The following AFF3 variants were observed in gnomAD, a reference collection of about 807,000 sequenced individuals.
AFF3 encodes ALF transcription elongation factor 3, also known as AF4/FMR2 family member 3.
In AFF3, 32 loss-of-function variants were observed where a neutral mutation model predicts 129.7. The observed-to-expected ratio is 0.25, with a 90% CI of 0.19 to 0.33. The LOEUF (loss-of-function observed/expected upper bound fraction) is 0.33, where lower values mean the gene tolerates loss of function less well. AFF3 is among the 10% of genes least tolerant of loss of function. The pLI, the probability that AFF3 is intolerant of heterozygous loss-of-function variation, is 1.00. For synonymous variants in AFF3, 644 were observed against 635.4 expected (o/e 1.01, Z -0.20); for missense variants, 1,373 against 1,592.0 (o/e 0.86, Z 2.34).
At chr2:100,124,568 G>T (rs949296755) in intron 2 of AFF3, among the ~76,000 whole-genome samples, 3 of 151,668 alleles carry the variant, frequency 2.0e-5, no homozygotes, top group African/African-American at 7.3e-5. Flanking sequence ...GCAAATTGTG[G>T]TTCCAATCCA....
intron 7 of AFF3, among the ~76,000 whole-genome samples, chr2:99,937,291 T>C (rs1013244289): frequency 6.6e-6 from 1 of 152,182 alleles, no homozygotes; most frequent in Non-Finnish European, 1.5e-5. Flanking sequence ...GCCAGTGATG[T>C]CCTGGTCTGA....
chr2:99,806,350 G>A (rs1686345599), intron 8 of AFF3, among the ~76,000 whole-genome samples: 1 of 152,138 alleles, frequency 6.6e-6, no homozygotes, highest in African/African-American at 2.4e-5. Flanking sequence ...GCGGAAAATA[G>A]CCCCTGCTCT....
intron 7 of AFF3, among the ~76,000 whole-genome samples, chr2:99,894,747 T>C (rs1376129759): frequency 6.6e-6 from 1 of 152,110 alleles, no homozygotes; most frequent in Non-Finnish European, 1.5e-5. Context: ...AGTGTTGGGA[T>C]TACAGGCGTG....
At chr2:100,029,723 T>C (rs1048926574) in intron 4 of AFF3, among the ~76,000 whole-genome samples, 2 of 152,150 alleles carry the variant, frequency 1.3e-5, no homozygotes, top group African/African-American at 4.8e-5. Context: ...TGAAGAGAGA[T>C]TGGTTGCACA....
At chr2:100,025,984 C>G (rs1355515141) in intron 4 of AFF3, among the ~76,000 whole-genome samples, 1 of 152,170 alleles carries the variant, frequency 6.6e-6, no homozygotes, top group Non-Finnish European at 1.5e-5. Flanking sequence ...TAGACATTGG[C>G]TTAGGCAAGG....
At chr2:99,797,419 T>C (rs1225296197) in intron 8 of AFF3, among the ~76,000 whole-genome samples, 1 of 151,978 alleles carries the variant, frequency 6.6e-6, no homozygotes, top group Non-Finnish European at 1.5e-5. Flanking sequence ...AAAAAGAGCA[T>C]AAGTAAACTG....
intron 4 of AFF3, among the ~76,000 whole-genome samples, chr2:100,037,288 C>A (rs1415688654): frequency 6.7e-6 from 1 of 150,226 alleles, no homozygotes; most frequent in African/African-American, 2.5e-5. Flanking sequence ...GTTTACAATA[C>A]TAGTGAAAAT....
intron 7 of AFF3, among the ~76,000 whole-genome samples, chr2:99,879,687 T>C (rs1692557169): frequency 6.6e-6 from 1 of 152,202 alleles, no homozygotes; most frequent in African/African-American, 2.4e-5. Flanking sequence ...ATTTCACACG[T>C]GGCCAAGTTC....
intron 8 of AFF3, among the ~76,000 whole-genome samples, chr2:99,775,943 A>G (rs1295610926): frequency 6.6e-6 from 1 of 152,226 alleles, no homozygotes; most frequent in Non-Finnish European, 1.5e-5. Context: ...CCACTGACCT[A>G]GTTGTGGTAG....
chr2:99,601,425 C>A lies in AFF3; in HGVS notation c.1371+10G>T. On this transcript the variant is annotated intron_variant, in intron 14 of 24. Transcript: ENST00000672756. Reference sequence around the variant, plus strand: ...GGGCAGAGGAGAGGCCTGAGCCAGGCAGCGCTTACCTCGGGGCTGGAGAAG... The same window carrying A: ...GGGCAGAGGAGAGGCCTGAGCCAGGAAGCGCTTACCTCGGGGCTGGAGAAG... The A allele has an allele frequency of 1.3e-6, 2 of 1,592,464 alleles. No homozygotes were observed. The highest frequency in any genetic ancestry group is 1.7e-6 in the Non-Finnish European group (2 of 1,167,810).
intron 7 of AFF3, among the ~76,000 whole-genome samples, chr2:99,906,619 G>A (rs949978215): frequency 7.9e-5 from 12 of 152,102 alleles, no homozygotes; most frequent in Non-Finnish European, 1.3e-4. Flanking sequence ...CAACCTGGGT[G>A]GGCCTGATTC....
chr2:99,736,824 T>G (rs1013963965), intron 10 of AFF3, among the ~76,000 whole-genome samples: 27 of 152,002 alleles, frequency 1.8e-4, no homozygotes, highest in African/African-American at 4.6e-4. Flanking sequence ...TGGCCAGGCT[T>G]GTCTCGAACT....
chr2:100,105,575 G>A lies in AFF3; in HGVS notation c.-136C>T, dbSNP rs1691226170. 1 of 1,333,058 alleles carries A rather than the reference G, an allele frequency of 7.5e-7. No individual in the cohort carries two copies. Among genetic ancestry groups the A allele is most frequent in the South Asian group, 1.2e-5 (1 of 81,268 alleles). 82.6% of individuals were successfully genotyped at this position (1,333,058 alleles called of 1,614,324 possible). ...CGCCCGTCTCCGGTCTGGAAAGGCA[G>A]GTGATCAGCTAGAAGGGTGATAAGA... On this transcript the variant is annotated 5_prime_UTR_variant, in exon 3 of 25. Transcript: ENST00000672756.
intron 7 of AFF3, among the ~76,000 whole-genome samples, chr2:99,959,199 T>C (rs553020562): frequency 6.6e-6 from 1 of 152,202 alleles, no homozygotes; most frequent in African/African-American, 2.4e-5. Context: ...ATCAGCTTCC[T>C]TTCTGTCAAA....
intron 14 of AFF3, among the ~76,000 whole-genome samples, chr2:99,601,155 T>C (rs1679788132): frequency 6.6e-6 from 1 of 152,122 alleles, no homozygotes; most frequent in Admixed American, 6.6e-5. Flanking sequence ...CTGTCAGTGA[T>C]GTTTATAGCA....
chr2:100,084,120 G>A (rs1020557161), intron 4 of AFF3, among the ~76,000 whole-genome samples: 6 of 152,174 alleles, frequency 3.9e-5, no homozygotes, highest in African/African-American at 1.4e-4. Flanking sequence ...ATACAGGATG[G>A]AAATAGCTTA....
chr2:99,717,928 G>A (rs1278885086), intron 11 of AFF3, among the ~76,000 whole-genome samples: 1 of 152,194 alleles, frequency 6.6e-6, no homozygotes, highest in Non-Finnish European at 1.5e-5. Context: ...TTGTTGAAAA[G>A]ACCCGGCTTT....
At chr2:99,573,900 G>T (rs1312520566) in intron 18 of AFF3, among the ~76,000 whole-genome samples, 1 of 152,178 alleles carries the variant, frequency 6.6e-6, no homozygotes, top group Non-Finnish European at 1.5e-5. Context: ...CTGGCACCTG[G>T]GGTTCTCTGG....
At chr2:99,620,463 C>T (rs1256923845) in intron 13 of AFF3, among the ~76,000 whole-genome samples, 4 of 152,120 alleles carry the variant, frequency 2.6e-5, no homozygotes, top group Admixed American at 2.0e-4. Context: ...ACCCCTGTTT[C>T]TGCAAAACCA....
Sources: gnomAD v4.1 joint callset for allele counts (sites outside exome capture counted in the v4.1 genomes callset) on GRCh38, gnomAD v4.1.1 for gene constraint, MANE v1.5 for transcripts, NCBI Gene and HGNC (gene_info 2026-07-23, HGNC 2026-07-21) for gene names.